The following NOTCH1 variants were observed in gnomAD, a reference collection of about 807,000 sequenced individuals.
NOTCH1 encodes the protein notch receptor 1, also known as neurogenic locus notch homolog protein 1.
Under a neutral mutation model 254.8 loss-of-function variants are expected in NOTCH1, and 37 were observed. That is an observed-to-expected ratio of 0.15 (90% CI 0.11 to 0.19). NOTCH1 has a LOEUF of 0.19. NOTCH1 is among the 10% of genes least tolerant of loss of function. NOTCH1 has a pLI of 1.00. For synonymous variants in NOTCH1, 1,731 were observed against 1,618.1 expected, an observed-to-expected ratio of 1.07 and a Z score of -1.68; for missense variants, 2,972 against 3,708.6, an observed-to-expected ratio of 0.80 and a Z score of 5.16.
At chr9:136,522,637 C>G (rs763461932) in intron 4 of NOTCH1, 3 of 572,172 alleles carry the variant, frequency 5.2e-6, no homozygotes, top group East Asian at 3.0e-5. Context: ...GGGCTGGCAC[C>G]TGGACCCTGT....
At chr9:136,517,619 C>G in intron 8 of NOTCH1, 133 bp downstream of exon 8, 1 of 1,170,426 alleles carries the variant, frequency 8.5e-7, no homozygotes, top group South Asian at 1.3e-5. Context: ...TTCCCCATGC[C>G]CTGTGCAGGC....
At position 136,513,376 on chromosome 9, in the gene NOTCH1, C is replaced by T. The variant is rs771973233; in HGVS notation, c.2353+16G>A. On this transcript the variant is annotated intron_variant, in intron 14 of 33. Coordinates refer to ENST00000651671, the MANE Select transcript of NOTCH1 (RefSeq NM_017617.5). The surrounding 1 kb of genome is among the most constrained non-coding windows in gnomAD (Gnocchi z 4.7). Reference sequence around the variant, plus strand: ...GAGGGCGGCCCTCTGCACTGAGAAACGCGCAGCCCACTCACCGCTGAAGCC... The same window carrying T: ...GAGGGCGGCCCTCTGCACTGAGAAATGCGCAGCCCACTCACCGCTGAAGCC... 2.0e-5 allele frequency: 32 copies of T among 1,612,528 alleles called. No homozygotes were observed. Among genetic ancestry groups the T allele is most frequent in the African/African-American group, 4.0e-5 (3 of 74,938 alleles).
chr9:136,536,124 G>A (rs889749928), intron 2 of NOTCH1, among the ~76,000 whole-genome samples: 4 of 152,086 alleles, frequency 2.6e-5, no homozygotes, highest in Admixed American at 2.0e-4. Context: ...ACCCCAAAAT[G>A]CTAGGACCGC....
intron 15 of NOTCH1, among the ~76,000 whole-genome samples, chr9:136,512,713 G>A (rs1843200307): frequency 6.6e-6 from 1 of 152,228 alleles, no homozygotes; most frequent in African/African-American, 2.4e-5. Context: ...CGGCAGGCTT[G>A]CCAGGTAAAA....
chr9:136,532,837 A>G (rs1400997762), intron 2 of NOTCH1, among the ~76,000 whole-genome samples: 1 of 152,094 alleles, frequency 6.6e-6, no homozygotes, highest in African/African-American at 2.4e-5. Flanking sequence ...GCCACCCCAC[A>G]CCTGGAAGGG....
chr9:136,496,740 G>T lies in NOTCH1; in HGVS notation c.6999C>A (p.Gly2333=). 2 of 1,612,776 alleles carry T rather than the reference G, an allele frequency of 1.2e-6. No individual in the cohort carries two copies. The highest frequency in any genetic ancestry group is 1.7e-6 in the Non-Finnish European group (2 of 1,180,000). Residue 2333 remains glycine (G), a synonymous_variant, in exon 34 of 34, where the codon GGC becomes GGA. Coordinates refer to ENST00000651671, the MANE Select transcript of NOTCH1 (RefSeq NM_017617.5). ...YNPLRGSVAP[G]PLSTQAPSLQ... ...GGGAGGGGGCCTGTGTGCTCAGGGG[G>T]CCTGGTGCCACACTCCCCCGCAGAG...
In NOTCH1 at chr9:136,545,475, C is replaced by A. The variant is rs1843801685; in HGVS notation, c.61+251G>T. 6.6e-6 allele frequency among the ~76,000 whole-genome samples: 1 copy of A among 152,034 alleles called. No homozygotes were observed. The highest frequency in any genetic ancestry group is 1.5e-5 in the Non-Finnish European group (1 of 67,952). On this transcript the variant is annotated intron_variant, in intron 1 of 33. Transcript: ENST00000651671. This position sits in a 1 kb window ranked among gnomAD's most constrained non-coding sequence, Gnocchi z 6.8. ...GAGTAGGGCCTCCGGGGCCCCAGCA[C>A]CCCACACCGGCCTCCTAACTCGGCT... is the stretch of plus-strand genomic sequence containing the variant.
At chr9:136,534,434 G>A (rs889685888) in intron 2 of NOTCH1, among the ~76,000 whole-genome samples, 4 of 152,148 alleles carry the variant, frequency 2.6e-5, no homozygotes, top group East Asian at 3.8e-4. Flanking sequence ...AGGTCGGGGC[G>A]TGTCACCAAC....
At chr9:136,512,793 G>A (rs1187931979) in intron 15 of NOTCH1, among the ~76,000 whole-genome samples, 2 of 152,100 alleles carry the variant, frequency 1.3e-5, no homozygotes, top group Non-Finnish European at 1.5e-5. Context: ...CCACCCCCGG[G>A]AGAAGGCCCA....
Position 136,505,440 on chromosome 9 carries a change from G to A in NOTCH1, c.4456C>T (p.Pro1486Ser), listed in dbSNP as rs1843065363. The A allele has an allele frequency of 1.2e-6, 2 of 1,612,798 alleles. No individual in the cohort carries two copies. Among genetic ancestry groups the A allele is most frequent in the Non-Finnish European group, 8.5e-7 (1 of 1,180,032 alleles). The change falls in exon 25 of 34, where the codon CCC (proline) becomes TCC (serine). Residue 1486 changes from proline to serine, a missense_variant. This residue lies in a region of NOTCH1 where 1,343 missense variants were observed against 1,557.0 expected (regional missense o/e 0.86). Transcript: ENST00000651671. Reference protein sequence around the residue: ...GGDCSLNFNDPWKNCTQSLQC... With the variant: ...GGDCSLNFNDSWKNCTQSLQC... The stretch of plus-strand genomic sequence containing the variant: ...AGAGACTGCGTGCAGTTCTTCCAGG[G>A]GTCATTGAAGTTGAGGGAGCAGTCA...
chr9:136,542,403 C>A (rs1017350148), intron 2 of NOTCH1, among the ~76,000 whole-genome samples: 1 of 152,206 alleles, frequency 6.6e-6, no homozygotes, highest in African/African-American at 2.4e-5. Flanking sequence ...ATTAATCACA[C>A]GGCATTAATC....
At chr9:136,538,918 T>G (rs929425027) in intron 2 of NOTCH1, among the ~76,000 whole-genome samples, 16 of 152,188 alleles carry the variant, frequency 1.1e-4, no homozygotes, top group Non-Finnish European at 2.2e-4. Context: ...AGACGAGACA[T>G]GAAACAGGAA....
At chr9:136,529,490 G>C (rs1843524991) in intron 2 of NOTCH1, among the ~76,000 whole-genome samples, 1 of 152,218 alleles carries the variant, frequency 6.6e-6, no homozygotes, top group African/African-American at 2.4e-5. Context: ...TCCCACCTCG[G>C]GTCCTCTCCC....
rs1274470543 is a variant in NOTCH1, at chr9:136,540,041, C to T, written c.140+3983G>A. On this transcript the variant is annotated intron_variant, in intron 2 of 33. Transcript: ENST00000651671. This position sits in a 1 kb window ranked among gnomAD's most constrained non-coding sequence, Gnocchi z 4.4. ...AGGGGCAGGGCTAGTAGGAATTCTGCCACTGCTGTGTGACCCTGGGGCTGA... is the reference window on the plus strand; with the variant it reads ...AGGGGCAGGGCTAGTAGGAATTCTGTCACTGCTGTGTGACCCTGGGGCTGA... Among the ~76,000 whole-genome samples the T allele has an allele frequency of 6.6e-6, 1 of 152,224 alleles. No individual in the cohort carries two copies. The highest frequency in any genetic ancestry group is 1.5e-5 in the Non-Finnish European group (1 of 68,048).
In NOTCH1 at chr9:136,502,345, C is replaced by T. The variant is rs1297787520; in HGVS notation, c.5311G>A (p.Glu1771Lys). 1 of 1,612,376 alleles carries T rather than the reference C, an allele frequency of 6.2e-7. No homozygotes were observed. The highest frequency in any genetic ancestry group is 8.5e-7 in the Non-Finnish European group (1 of 1,179,818). ...RRQHGQLWFP[E>K]GFKVSEASKK... ...CTGGCCTCAGACACTTTGAAGCCCTCAGGGAACCAGAGCTGGCCATGCTGC... is the reference window on the plus strand; with the variant it reads ...CTGGCCTCAGACACTTTGAAGCCCTTAGGGAACCAGAGCTGGCCATGCTGC... Residue 1771 changes from glutamate (E) to lysine (K), a missense_variant, in exon 28 of 34, where the codon GAG becomes AAG. This residue lies in a region of NOTCH1 where 421 missense variants were observed against 604.4 expected (regional missense o/e 0.70). Transcript: ENST00000651671.
chr9:136,527,768 C>T (rs745381835), intron 2 of NOTCH1, among the ~76,000 whole-genome samples: 2 of 152,192 alleles, frequency 1.3e-5, no homozygotes, highest in South Asian at 2.1e-4. Flanking sequence ...AGTGGCCTGG[C>T]GGCGCTGGGG....
intron 33 of NOTCH1, 87 bp from the exon 34 acceptor site, chr9:136,497,645 G>C: frequency 8.3e-7 from 1 of 1,209,702 alleles, no homozygotes; most frequent in East Asian, 2.5e-5. Flanking sequence ...GGAAGCAGCA[G>C]TACAACCTCC....
intron 2 of NOTCH1, among the ~76,000 whole-genome samples, chr9:136,528,662 G>A (rs1201201137): frequency 2.6e-5 from 4 of 151,706 alleles, no homozygotes; most frequent in Non-Finnish European, 4.4e-5. Context: ...GGGAAGGGGA[G>A]GAGCTGCCCG....
rs990935522 is a variant in NOTCH1 at position 136,497,704 on chromosome 9, G to A, written c.6181-146C>T. On this transcript the variant is annotated intron_variant, in intron 33 of 33. Transcript: ENST00000651671. ...CTGCTCCTCAGGACCCCACCCCAGCGTCCTGCAACCACCTAGCCTGACTCT... is the reference window on the plus strand; with the variant it reads ...CTGCTCCTCAGGACCCCACCCCAGCATCCTGCAACCACCTAGCCTGACTCT... 72 of 651,916 alleles carry A rather than the reference G, an allele frequency of 1.1e-4. 1 individual carries two copies. The South Asian group carries it at 1.2e-3, about 11-fold the overall frequency. 40.4% of individuals were successfully genotyped at this position (651,916 alleles called of 1,614,324 possible).
Sources: allele counts gnomAD v4.1 joint callset (sites outside exome capture counted in the v4.1 genomes callset), GRCh38; gene constraint gnomAD v4.1.1; regional missense constraint gnomAD v4.1.1; non-coding constraint Gnocchi (gnomAD v3.1); transcripts MANE v1.5; gene names NCBI Gene and HGNC (gene_info 2026-07-23, HGNC 2026-07-21).